KSR1: variants seen among roughly 807,000 people sequenced by gnomAD.
KSR1 encodes the protein kinase suppressor of ras 1, also known as kinase suppressor of ras.
A neutral mutation model predicts 92.9 loss-of-function variants in KSR1; 35 were observed. The observed-to-expected ratio is 0.38, with a 90% CI of 0.29 to 0.50. KSR1 has a LOEUF of 0.50. Among genes scored for constraint, KSR1 ranks in the 20% least tolerant of loss-of-function variants. KSR1 has a pLI of 0.94. For missense variants in KSR1, 972 were observed against 1,158.5 expected (o/e 0.84, Z 2.34); for synonymous variants, 467 against 472.6 (o/e 0.99, Z 0.15).
intron 2 of KSR1, among the ~76,000 whole-genome samples, chr17:27,568,168 G>A (rs995729168): frequency 1.2e-4 from 18 of 152,250 alleles, no homozygotes; most frequent in Admixed American, 8.5e-4. Flanking sequence ...TGAGACACCT[G>A]TCTCCTAGTT....
chr17:27,602,034 C>T, intron 11 of KSR1: 1 of 981,592 alleles, frequency 1.0e-6, no homozygotes, highest in Non-Finnish European at 1.6e-6. Flanking sequence ...TCATTCCTGC[C>T]CCTAAAGTGC....
intron 2 of KSR1, among the ~76,000 whole-genome samples, chr17:27,564,596 C>T (rs1235737498): frequency 6.6e-6 from 1 of 152,200 alleles, no homozygotes; most frequent in Non-Finnish European, 1.5e-5. Context: ...TCACTACCTT[C>T]TACTGTAGTC....
chr17:27,545,596 C>A (rs943764483), intron 1 of KSR1, among the ~76,000 whole-genome samples: 20 of 152,226 alleles, frequency 1.3e-4, no homozygotes, highest in Non-Finnish European at 2.4e-4. Context: ...TGACCAAGAA[C>A]ACCAGCTGGA....
rs536474028 is a variant in KSR1 at position 27,550,455 on chromosome 17, C to G, written c.232-113C>G. On this transcript the variant is annotated intron_variant, in intron 1 of 20. Transcript: ENST00000644974. ...AAACAGCAGAGAGGAGAGCCAGCCC[C>G]TTCCCTCATCACATTGCTTGTGTCT... 1.4e-5 allele frequency: 10 copies of G among 699,512 alleles called. No individual in the cohort carries two copies. In the African/African-American group the frequency reaches 1.7e-4, roughly 12 times the overall value. 43.3% of individuals were successfully genotyped at this position (699,512 alleles called of 1,614,324 possible).
intron 5 of KSR1, among the ~76,000 whole-genome samples, chr17:27,586,906 T>C (rs936643141): frequency 6.6e-6 from 1 of 152,186 alleles, no homozygotes; most frequent in Non-Finnish European, 1.5e-5. Context: ...GAAATCTCGC[T>C]CTATCACCCA....
At chr17:27,557,042 G>A (rs990868534) in intron 2 of KSR1, among the ~76,000 whole-genome samples, 6 of 152,212 alleles carry the variant, frequency 3.9e-5, no homozygotes, top group Non-Finnish European at 7.3e-5. Context: ...GCCTGATCCA[G>A]GTCTGTGGGG....
intron 1 of KSR1, among the ~76,000 whole-genome samples, chr17:27,520,003 T>C (rs1053335838): frequency 4.6e-5 from 7 of 152,166 alleles, no homozygotes; most frequent in East Asian, 1.9e-4. Flanking sequence ...TCTCTGTAAA[T>C]GGCAGAGGTG....
intron 1 of KSR1, among the ~76,000 whole-genome samples, chr17:27,533,258 G>A (rs1165445064): frequency 1.3e-5 from 2 of 152,102 alleles, no homozygotes; most frequent in Admixed American, 6.5e-5. Flanking sequence ...TCACAGGTTT[G>A]TTGCAAGGAT....
At chr17:27,518,668 A>G (rs1328566006) in intron 1 of KSR1, among the ~76,000 whole-genome samples, 1 of 152,188 alleles carries the variant, frequency 6.6e-6, no homozygotes, top group Non-Finnish European at 1.5e-5. Flanking sequence ...TCTGTGGGAA[A>G]GTGGACGTAG....
intron 1 of KSR1, among the ~76,000 whole-genome samples, chr17:27,468,424 CAG>C (rs2019814797): frequency 2.6e-5 from 4 of 151,938 alleles, no homozygotes; most frequent in African/African-American, 7.3e-5. Flanking sequence ...TTAGTAGAGA[CAG>C]GGTTTCACCA....
chr17:27,507,357 C>T (rs1215084879), intron 1 of KSR1, among the ~76,000 whole-genome samples: 4 of 151,862 alleles, frequency 2.6e-5, no homozygotes, highest in Non-Finnish European at 5.9e-5. Context: ...TGCTTGAACC[C>T]GGGAGGTGGA....
chr17:27,534,357 C>T (rs577903595), intron 1 of KSR1, among the ~76,000 whole-genome samples: 1 of 152,346 alleles, frequency 6.6e-6, no homozygotes, highest in East Asian at 1.9e-4. Flanking sequence ...GTCAGACTAA[C>T]TGCTTTCAAA....
chr17:27,608,716 G>A (rs972384944), intron 15 of KSR1, among the ~76,000 whole-genome samples: 1 of 152,164 alleles, frequency 6.6e-6, no homozygotes, highest in Admixed American at 6.5e-5. Context: ...GACATTAGGA[G>A]CACTCAAAGT....
intron 1 of KSR1, among the ~76,000 whole-genome samples, chr17:27,537,035 A>C (rs1385983931): frequency 1.3e-5 from 2 of 152,200 alleles, no homozygotes; most frequent in African/African-American, 4.8e-5. Flanking sequence ...CTCACCACCC[A>C]CTGCCAGGAG....
chr17:27,594,893 G>A (rs891321555), intron 9 of KSR1, among the ~76,000 whole-genome samples: 10 of 152,160 alleles, frequency 6.6e-5, no homozygotes, highest in African/African-American at 2.4e-4. Context: ...CTATGACCTG[G>A]CAGCTGTTAC....
chr17:27,540,780 G>A (rs1330036803), intron 1 of KSR1, among the ~76,000 whole-genome samples: 4 of 152,226 alleles, frequency 2.6e-5, no homozygotes, highest in African/African-American at 2.4e-5. Flanking sequence ...TGGTCCCCTC[G>A]GAGCTGGGTG....
intron 1 of KSR1, among the ~76,000 whole-genome samples, chr17:27,522,965 G>A (rs1264267146): frequency 6.6e-6 from 1 of 152,166 alleles, no homozygotes. Flanking sequence ...CATCATGTTA[G>A]GTAGAAATTG....
chr17:27,595,826 C>G (rs1415986374), intron 9 of KSR1, among the ~76,000 whole-genome samples: 1 of 152,114 alleles, frequency 6.6e-6, no homozygotes, highest in East Asian at 1.9e-4. Context: ...CAGGGGTCTC[C>G]TCTGTGCTGT....
At chr17:27,526,443 A>G in intron 1 of KSR1, 1 of 1,574,536 alleles carries the variant, frequency 6.4e-7, no homozygotes, top group South Asian at 1.2e-5. Flanking sequence ...CCTTGGTAAA[A>G]GTTTGTAGTT....
Sources: allele counts gnomAD v4.1 joint callset (sites outside exome capture counted in the v4.1 genomes callset), GRCh38; gene constraint gnomAD v4.1.1; transcripts MANE v1.5; gene names NCBI Gene and HGNC (gene_info 2026-07-23, HGNC 2026-07-21).